RNGTT: variants seen among roughly 807,000 people sequenced by gnomAD.
RNGTT encodes the protein mRNA-capping enzyme.
A neutral mutation model predicts 79.3 loss-of-function variants in RNGTT; 33 were observed. The ratio of observed to expected loss-of-function variants is 0.42; its 90% CI spans 0.32 to 0.56. RNGTT has a LOEUF of 0.56. Ranked by LOEUF, RNGTT falls within the 20% of genes least tolerant of loss-of-function variation. The pLI is 0.17. For missense variants in RNGTT, 497 were observed against 739.1 expected, an observed-to-expected ratio of 0.67 and a Z score of 3.80; for synonymous variants, 222 against 235.9, an observed-to-expected ratio of 0.94 and a Z score of 0.54.
At chr6:88,729,600 C>A (rs552133101) in intron 13 of RNGTT, among the ~76,000 whole-genome samples, 1 of 152,232 alleles carries the variant, frequency 6.6e-6, no homozygotes, top group South Asian at 2.1e-4. Context: ...TTATAACCAA[C>A]AGCGATTTAT....
chr6:88,691,194 A>T (rs1196548942), intron 13 of RNGTT, among the ~76,000 whole-genome samples: 1 of 151,986 alleles, frequency 6.6e-6, no homozygotes, highest in Non-Finnish European at 1.5e-5. Context: ...TTCTCACGAG[A>T]CATGGTTGTT....
chr6:88,682,965 C>T (rs1002071832), intron 13 of RNGTT, among the ~76,000 whole-genome samples: 6 of 152,006 alleles, frequency 3.9e-5, no homozygotes, highest in African/African-American at 1.5e-4. Context: ...TATATCAAAA[C>T]TTGTAGGTTG....
At chr6:88,721,085 ACC>A (rs34993156) in intron 13 of RNGTT, among the ~76,000 whole-genome samples, 3 of 151,854 alleles carry the variant, frequency 2.0e-5, no homozygotes, top group African/African-American at 4.8e-5. Context: ...TTCTCCTAAC[ACC>A]CCTTAAATAT....
At chr6:88,636,330 T>C (rs533258467) in intron 14 of RNGTT, among the ~76,000 whole-genome samples, 1 of 152,170 alleles carries the variant, frequency 6.6e-6, no homozygotes, top group African/African-American at 2.4e-5. Context: ...TTTAGAGTAA[T>C]TCCAATTTAT....
chr6:88,813,736 G>A (rs1780218355), intron 11 of RNGTT, among the ~76,000 whole-genome samples: 1 of 152,146 alleles, frequency 6.6e-6, no homozygotes. Context: ...GAGTGTCAGA[G>A]TCCCAAAAAC....
At chr6:88,620,627 C>A (rs193093693) in intron 14 of RNGTT, among the ~76,000 whole-genome samples, 2 of 151,878 alleles carry the variant, frequency 1.3e-5, no homozygotes, top group Non-Finnish European at 2.9e-5. Flanking sequence ...AGGTACAAAA[C>A]GTAAGAAATA....
chr6:88,888,113 G>A (rs1782928416), intron 8 of RNGTT, among the ~76,000 whole-genome samples: 2 of 151,468 alleles, frequency 1.3e-5, no homozygotes, highest in African/African-American at 2.4e-5. Flanking sequence ...TGAGGACCCT[G>A]TCTCAAAAAA....
At chr6:88,957,068 C>T (rs1009556055) in intron 1 of RNGTT, among the ~76,000 whole-genome samples, 21 of 152,014 alleles carry the variant, frequency 1.4e-4, no homozygotes, top group Non-Finnish European at 2.1e-4. Flanking sequence ...AAATGTGATA[C>T]GTCACATAAA....
At chr6:88,907,148 T>C (rs1056410619) in intron 4 of RNGTT, among the ~76,000 whole-genome samples, 1 of 152,252 alleles carries the variant, frequency 6.6e-6, no homozygotes, top group Admixed American at 6.5e-5. Context: ...AAATTTATTT[T>C]CTTAAACTCT....
intron 11 of RNGTT, among the ~76,000 whole-genome samples, chr6:88,825,434 T>C (rs929696086): frequency 6.6e-6 from 1 of 152,234 alleles, no homozygotes; most frequent in Non-Finnish European, 1.5e-5. Context: ...TCATGAACTT[T>C]CACTAAGTTA....
intron 14 of RNGTT, among the ~76,000 whole-genome samples, chr6:88,640,386 C>A (rs182722317): frequency 0.038 from 3,611 of 95,804 alleles, 30 homozygotes; most frequent in African/African-American, 0.08. Context: ...CCTGTCTCTA[C>A]AAAAAAAAAA....
intron 12 of RNGTT, among the ~76,000 whole-genome samples, chr6:88,778,768 A>G (rs73754824): frequency 6.6e-6 from 1 of 152,192 alleles, no homozygotes; most frequent in Non-Finnish European, 1.5e-5. Context: ...TTTTGCTAAG[A>G]AAGAAAAAAT....
chr6:88,743,070 G>A (rs1308392645), intron 13 of RNGTT, among the ~76,000 whole-genome samples: 2 of 152,084 alleles, frequency 1.3e-5, no homozygotes, highest in African/African-American at 4.8e-5. Context: ...AACATAAGAA[G>A]TAAACATTAA....
intron 6 of RNGTT, among the ~76,000 whole-genome samples, chr6:88,898,486 CT>C (rs1783327432): frequency 6.6e-6 from 1 of 151,930 alleles, no homozygotes; most frequent in African/African-American, 2.4e-5. Flanking sequence ...ATTTGTTCCT[CT>C]TCTTAATAGC....
At chr6:88,744,855 A>G (rs1036834821) in intron 13 of RNGTT, among the ~76,000 whole-genome samples, 13 of 152,246 alleles carry the variant, frequency 8.5e-5, no homozygotes, top group African/African-American at 2.9e-4. Flanking sequence ...GAAGTTAACG[A>G]AACATTACAA....
intron 1 of RNGTT, among the ~76,000 whole-genome samples, chr6:88,962,398 G>A (rs1385637540): frequency 1.2e-4 from 19 of 152,174 alleles, no homozygotes; most frequent in Admixed American, 1.2e-3. Flanking sequence ...TTGGGAGGCC[G>A]AAGTGGGAGC....
intron 13 of RNGTT, among the ~76,000 whole-genome samples, chr6:88,736,723 G>T (rs1777299742): frequency 6.6e-6 from 1 of 152,214 alleles, no homozygotes; most frequent in African/African-American, 2.4e-5. Context: ...ACTCAGTAAA[G>T]AGACTACGAA....
chr6:88,948,530 G>A (rs1390352089), intron 1 of RNGTT, among the ~76,000 whole-genome samples: 1 of 149,220 alleles, frequency 6.7e-6, no homozygotes, highest in Non-Finnish European at 1.5e-5. Flanking sequence ...CCGTCCGGGA[G>A]GTGAGGGGCG....
intron 1 of RNGTT, among the ~76,000 whole-genome samples, chr6:88,941,624 T>A (rs891797087): frequency 6.6e-6 from 1 of 151,554 alleles, no homozygotes; most frequent in Non-Finnish European, 1.5e-5. Flanking sequence ...CATAAAGTAC[T>A]CTCAATTTAA....
Sources: gnomAD v4.1 joint callset for allele counts (sites outside exome capture counted in the v4.1 genomes callset) on GRCh38, gnomAD v4.1.1 for gene constraint, MANE v1.5 for transcripts, NCBI Gene and HGNC (gene_info 2026-07-23, HGNC 2026-07-21) for gene names.